MYO3A: variants seen among roughly 807,000 people sequenced by gnomAD.
The protein encoded by MYO3A is myosin IIIA, also known as myosin-IIIa.
In MYO3A, 180 loss-of-function variants were observed where a neutral mutation model predicts 192.7. That is an observed-to-expected ratio of 0.93 (90% CI 0.83 to 1.06). MYO3A has a LOEUF of 1.06. MYO3A is among the 50% of genes least tolerant of loss of function. The pLI, the probability that MYO3A is intolerant of heterozygous loss-of-function variation, is 0.00. For synonymous variants in MYO3A, 628 were observed against 645.3 expected, an observed-to-expected ratio of 0.97 and a Z score of 0.41; for missense variants, 1,896 against 1,905.0, an observed-to-expected ratio of 1.00 and a Z score of 0.09.
intron 32 of MYO3A, among the ~76,000 whole-genome samples, chr10:26,196,199 C>A (rs1297750728): frequency 1.3e-5 from 2 of 152,162 alleles, no homozygotes; most frequent in Admixed American, 1.3e-4. Flanking sequence ...TCCCTATTAA[C>A]CCTGAGTTTA....
intron 32 of MYO3A, among the ~76,000 whole-genome samples, chr10:26,199,774 A>C (rs1843597191): frequency 6.6e-6 from 1 of 152,184 alleles, no homozygotes. Flanking sequence ...TTGGTTATAT[A>C]AAGGGCATCT....
At chr10:25,985,987 A>G (rs1002563684) in intron 4 of MYO3A, among the ~76,000 whole-genome samples, 12 of 152,208 alleles carry the variant, frequency 7.9e-5, no homozygotes, top group South Asian at 2.1e-4. Flanking sequence ...ATCCAACAGC[A>G]TATCAAAACA....
chr10:26,136,764 T>C (rs1839869937), intron 20 of MYO3A, among the ~76,000 whole-genome samples: 1 of 152,190 alleles, frequency 6.6e-6, no homozygotes, highest in Non-Finnish European at 1.5e-5. Flanking sequence ...ACACCTGTAA[T>C]GCCAGCACTT....
At chr10:26,026,343 T>G in intron 9 of MYO3A, 34 bp from the exon 10 acceptor site, 1 of 1,611,718 alleles carries the variant, frequency 6.2e-7, no homozygotes. Context: ...CTCTAACTTA[T>G]CTAATAATTG....
chr10:26,077,229 T>C (rs1191737761), intron 14 of MYO3A, among the ~76,000 whole-genome samples: 1 of 135,796 alleles, frequency 7.4e-6, no homozygotes, highest in Non-Finnish European at 1.5e-5. Context: ...GGTATATTCC[T>C]AAGGTTTTTT....
chr10:26,070,021 T>G (rs1835100626), intron 12 of MYO3A, 90 bp from the exon 13 acceptor site: 1 of 899,892 alleles, frequency 1.1e-6, no homozygotes, highest in Non-Finnish European at 1.8e-6. Context: ...ATTTATACTT[T>G]GCTTTAAAAA....
intron 10 of MYO3A, among the ~76,000 whole-genome samples, chr10:26,048,997 G>A (rs1462260626): frequency 2.0e-5 from 3 of 152,188 alleles, no homozygotes; most frequent in Non-Finnish European, 1.5e-5. Context: ...CTCAAGGGAG[G>A]AAGAGCAGAG....
intron 34 of MYO3A, among the ~76,000 whole-genome samples, chr10:26,210,716 T>A (rs1844184467): frequency 6.6e-6 from 1 of 152,052 alleles, no homozygotes; most frequent in Non-Finnish European, 1.5e-5. Flanking sequence ...GAACACTCTA[T>A]CCTCATTCCT....
intron 16 of MYO3A, 30 bp from the exon 17 acceptor site, chr10:26,096,538 C>T: frequency 6.3e-7 from 1 of 1,595,342 alleles, no homozygotes; most frequent in Non-Finnish European, 8.6e-7. Context: ...TAATTTTAGA[C>T]TTTTATCCTT....
rs61846589 is a variant in MYO3A at position 26,067,265 on chromosome 10, A to T, written c.1053+191A>T. On this transcript the variant is annotated intron_variant, in intron 11 of 34. Coordinates refer to ENST00000642920, the MANE Select transcript of MYO3A (RefSeq NM_017433.5). ...TTGTCTCTTAGCTTCCTATTATTTC[A>T]CTTATCTTCAGTTTTAATCTATATA... 0.48 allele frequency among the ~76,000 whole-genome samples: 72,207 copies of T among 151,900 alleles called. 17,958 individuals are homozygous for T. The highest frequency in any genetic ancestry group is 0.59 in the Middle Eastern group (173 of 294).
intron 10 of MYO3A, among the ~76,000 whole-genome samples, chr10:26,040,924 A>C (rs1392867267): frequency 6.6e-6 from 1 of 152,112 alleles, no homozygotes; most frequent in African/African-American, 2.4e-5. Flanking sequence ...TCTATAATGC[A>C]GATTAAGTCT....
intron 20 of MYO3A, among the ~76,000 whole-genome samples, chr10:26,141,057 A>T (rs1204079854): frequency 6.6e-6 from 1 of 152,022 alleles, no homozygotes; most frequent in Non-Finnish European, 1.5e-5. Flanking sequence ...TCTCCTGAGT[A>T]GCTGGGGCTC....
intron 22 of MYO3A, among the ~76,000 whole-genome samples, chr10:26,146,635 AG>A (rs1840480628): frequency 6.6e-6 from 1 of 152,212 alleles, no homozygotes. Flanking sequence ...TTATTGGTGT[AG>A]GGTCTTACTC....
Position 26,212,187 on chromosome 10 carries a change from CG to C in MYO3A, c.*226del. ...GGAAACCTCCCCCGACGCTCTCTCT[CG>C]GAACTCCCGCACCCTCCTTTCTCAC... On this transcript the variant is annotated 3_prime_UTR_variant, in exon 35 of 35. Coordinates refer to ENST00000642920, the MANE Select transcript of MYO3A (RefSeq NM_017433.5). The C allele has an allele frequency of 1.7e-6, 1 of 604,512 alleles. No homozygotes were observed. Among genetic ancestry groups the C allele is most frequent in the Non-Finnish European group, 2.8e-6 (1 of 358,590 alleles). 37.4% of individuals were successfully genotyped at this position (604,512 alleles called of 1,614,324 possible). A position where few individuals can be genotyped will look rare whatever the true frequency, so the allele number is the denominator to read the frequency against.
At chr10:25,956,477 G>A (rs898337578) in intron 4 of MYO3A, among the ~76,000 whole-genome samples, 3 of 149,384 alleles carry the variant, frequency 2.0e-5, no homozygotes, top group African/African-American at 7.4e-5. Flanking sequence ...ACAGTCACAT[G>A]CCACCATGCC....
chr10:26,136,026 C>T (rs1839828918), intron 20 of MYO3A, among the ~76,000 whole-genome samples: 1 of 151,456 alleles, frequency 6.6e-6, no homozygotes, highest in Non-Finnish European at 1.5e-5. Context: ...TTCTACCTTC[C>T]CCGGCCCCAT....
intron 12 of MYO3A, among the ~76,000 whole-genome samples, chr10:26,069,086 C>T (rs990102973): frequency 6.6e-6 from 1 of 151,972 alleles, no homozygotes; most frequent in Non-Finnish European, 1.5e-5. Context: ...TCTCCAAATG[C>T]GTGTGCCAGA....
At chr10:25,945,973 A>T (rs2130472064) in intron 2 of MYO3A, among the ~76,000 whole-genome samples, 1 of 152,336 alleles carries the variant, frequency 6.6e-6, no homozygotes, top group Admixed American at 6.5e-5. Context: ...TTGATTGCTT[A>T]TAAAAATTCT....
At chr10:26,203,476 A>C (rs1434588056) in intron 34 of MYO3A, among the ~76,000 whole-genome samples, 2 of 152,218 alleles carry the variant, frequency 1.3e-5, no homozygotes, top group East Asian at 3.8e-4. Flanking sequence ...TTAATTACTC[A>C]TTGGTTTCTT....
Sources: allele counts gnomAD v4.1 joint callset (sites outside exome capture counted in the v4.1 genomes callset), GRCh38; gene constraint gnomAD v4.1.1; transcripts MANE v1.5; gene names NCBI Gene and HGNC (gene_info 2026-07-23, HGNC 2026-07-21).